The following ACKR2 variants were observed in gnomAD, a reference collection of about 807,000 sequenced individuals.
ACKR2 encodes the protein C-C chemokine receptor D6.
For missense variants in ACKR2, 457 were observed against 477.3 expected (o/e 0.96, Z 0.40); for synonymous variants, 207 against 192.2 (o/e 1.08, Z -0.64).
intron 2 of ACKR2, among the ~76,000 whole-genome samples, chr3:42,831,492 C>T (rs1700932321): frequency 1.3e-5 from 2 of 152,226 alleles, no homozygotes; most frequent in South Asian, 4.1e-4. Context: ...TCTTGCCCTC[C>T]AGCTTCAGTT....
intron 2 of ACKR2, among the ~76,000 whole-genome samples, chr3:42,823,584 CT>C (rs1213622437): frequency 6.6e-6 from 1 of 152,162 alleles, no homozygotes; most frequent in Non-Finnish European, 1.5e-5. Flanking sequence ...GCAAGCAGAA[CT>C]TACCCTCTTT....
intron 2 of ACKR2, among the ~76,000 whole-genome samples, chr3:42,838,467 A>G (rs1242964302): frequency 6.6e-6 from 1 of 152,212 alleles, no homozygotes; most frequent in Non-Finnish European, 1.5e-5. Flanking sequence ...ATTAGTTCAT[A>G]AGGAAATGCA....
intron 2 of ACKR2, among the ~76,000 whole-genome samples, chr3:42,857,899 G>T (rs2088339907): frequency 6.6e-6 from 1 of 152,176 alleles, no homozygotes. Context: ...TGTAAACAAA[G>T]CCACTGGGAA....
chr3:42,864,041 C>G (rs1258953415), intron 2 of ACKR2, among the ~76,000 whole-genome samples: 2 of 152,052 alleles, frequency 1.3e-5, no homozygotes, highest in East Asian at 3.9e-4. Flanking sequence ...CCCACTGAAG[C>G]TAAGCTGTCA....
intron 2 of ACKR2, among the ~76,000 whole-genome samples, chr3:42,825,608 T>C (rs960757948): frequency 4.3e-4 from 65 of 151,750 alleles, no homozygotes; most frequent in African/African-American, 1.4e-3. Flanking sequence ...TGTGCGTGTG[T>C]GTGTGTGTAT....
At position 42,821,335 on chromosome 3, in the gene ACKR2, A is replaced by G. The variant is rs528871727; in HGVS notation, c.-38+1624A>G. On this transcript the variant is annotated intron_variant, in intron 2 of 2. Transcript: ENST00000422265. ...ACATACGTGTTCCACTAGAAGCAAG[A>G]AAAACCACATACAGCTGCTCAGTCT... Among the ~76,000 whole-genome samples, 284 of 152,330 alleles carry G rather than the reference A, an allele frequency of 1.9e-3. 4 individuals are homozygous for G. Among genetic ancestry groups the G allele is most frequent in the Non-Finnish European group, 3.4e-4 (23 of 68,022 alleles).
chr3:42,818,528 A>G (rs923896394), intron 1 of ACKR2, among the ~76,000 whole-genome samples: 6 of 152,222 alleles, frequency 3.9e-5, no homozygotes, highest in African/African-American at 9.6e-5. Context: ...TCATTTACAC[A>G]GGAAAGCACT....
chr3:42,856,196 G>T (rs1385968650), intron 2 of ACKR2: 1 of 540,584 alleles, frequency 1.8e-6, no homozygotes. Flanking sequence ...TCCTAAGGTT[G>T]ATCAGGAACA....
intron 2 of ACKR2, among the ~76,000 whole-genome samples, chr3:42,828,758 A>T (rs1050556702): frequency 6.6e-6 from 1 of 152,224 alleles, no homozygotes; most frequent in East Asian, 1.9e-4. Flanking sequence ...ATACAGTGTG[A>T]TGAAGAAGGT....
rs1701168065 is a variant in ACKR2, at chr3:42,852,205, C to G, written c.-37-12261C>G. Among the ~76,000 whole-genome samples the G allele has an allele frequency of 6.6e-6, 1 of 152,202 alleles. No homozygotes were observed. The highest frequency in any genetic ancestry group is 2.1e-4 in the South Asian group (1 of 4,832). ...TTCTGTCTGTTCTACCCTGCCTATT[C>G]TGTCTATTCTACCATGCTGAGTGTC... is the stretch of plus-strand genomic sequence containing the variant. On this transcript the variant is annotated intron_variant, in intron 2 of 2. Transcript: ENST00000422265. The surrounding 1 kb of genome is among the most constrained non-coding windows in gnomAD (Gnocchi z 4.3).
intron 2 of ACKR2, among the ~76,000 whole-genome samples, chr3:42,858,511 A>C (rs1363664152): frequency 6.6e-6 from 1 of 152,142 alleles, no homozygotes; most frequent in East Asian, 1.9e-4. Context: ...CAGAAACCCC[A>C]TCTGAAGGCC....
chr3:42,851,486 G>A, intron 2 of ACKR2: 5 of 966,394 alleles, frequency 5.2e-6, no homozygotes, highest in Non-Finnish European at 6.2e-6. Flanking sequence ...GGTGTGGGGT[G>A]GGGGTGAGAC....
At chr3:42,854,411 C>A (rs1396030896) in intron 2 of ACKR2, among the ~76,000 whole-genome samples, 1 of 152,166 alleles carries the variant, frequency 6.6e-6, no homozygotes, top group Admixed American at 6.5e-5. Flanking sequence ...CTTCCTGCCA[C>A]TAGTTGCCGA....
chr3:42,816,682 G>A (rs1306122463), intron 1 of ACKR2, among the ~76,000 whole-genome samples: 4 of 151,522 alleles, frequency 2.6e-5, no homozygotes, highest in Admixed American at 1.3e-4. Context: ...TCAGCCTCCC[G>A]AGTAGCTGGG....
At chr3:42,862,476 C>T (rs1356357748) in intron 2 of ACKR2, among the ~76,000 whole-genome samples, 3 of 152,158 alleles carry the variant, frequency 2.0e-5, no homozygotes, top group Non-Finnish European at 4.4e-5. Context: ...CATCAAGCTA[C>T]CACTGACTTT....
intron 2 of ACKR2, among the ~76,000 whole-genome samples, chr3:42,838,861 G>A (rs1469720730): frequency 2.6e-5 from 4 of 152,216 alleles, no homozygotes; most frequent in African/African-American, 9.6e-5. Context: ...TGTTGCTAGA[G>A]GGAATGTAAT....
At chr3:42,821,034 G>A (rs905733445) in intron 2 of ACKR2, among the ~76,000 whole-genome samples, 7 of 151,958 alleles carry the variant, frequency 4.6e-5, no homozygotes, top group Non-Finnish European at 8.8e-5. Flanking sequence ...ACAGGTGGCT[G>A]CCACCATGCC....
chr3:42,827,910 G>A (rs1209694470), intron 2 of ACKR2, among the ~76,000 whole-genome samples: 1 of 151,872 alleles, frequency 6.6e-6, no homozygotes, highest in Non-Finnish European at 1.5e-5. Flanking sequence ...CTAACTTTGG[G>A]CAGAGCAAGA....
Position 42,865,619 on chromosome 3 carries a change from T to C in ACKR2, c.1117T>C (p.Tyr373His), listed in dbSNP as rs1185274301. Residue 373 changes from tyrosine (Y) to histidine (H), a missense_variant, in exon 3 of 3, where the codon TAC becomes CAC. Transcript: ENST00000422265. Reference protein sequence around the residue: ...NDLGERQSENYPNKEDVGNKS... With the variant: ...NDLGERQSENHPNKEDVGNKS... ...CCTTGGAGAGAGGCAGTCTGAGAAC[T>C]ACCCTAACAAGGAGGATGTGGGGAA... 1 of 1,613,448 alleles carries C rather than the reference T, an allele frequency of 6.2e-7. No homozygotes were observed. The highest frequency in any genetic ancestry group is 8.5e-7 in the Non-Finnish European group (1 of 1,179,776).
Sources: allele counts gnomAD v4.1 joint callset (sites outside exome capture counted in the v4.1 genomes callset), GRCh38; gene constraint gnomAD v4.1.1; non-coding constraint Gnocchi (gnomAD v3.1); transcripts MANE v1.5; gene names NCBI Gene and HGNC (gene_info 2026-07-23, HGNC 2026-07-21).